The following MAGI1 variants were observed in gnomAD, a reference collection of about 807,000 sequenced individuals.
MAGI1 encodes membrane associated guanylate kinase, WW and PDZ domain containing 1, also known as membrane-associated guanylate kinase, WW and PDZ domain-containing protein 1.
In MAGI1, 58 loss-of-function variants were observed where a neutral mutation model predicts 139.9. That is an observed-to-expected ratio of 0.41 (90% confidence interval 0.34 to 0.52). The LOEUF (loss-of-function observed/expected upper bound fraction) is 0.52. Among genes scored for constraint, MAGI1 ranks in the 20% least tolerant of loss-of-function variants. The pLI is 0.12. For synonymous variants in MAGI1, 812 were observed against 737.9 expected (o/e 1.10, Z -1.63); for missense variants, 1,874 against 1,901.6 (o/e 0.99, Z 0.27).
intron 2 of MAGI1, among the ~76,000 whole-genome samples, chr3:65,576,624 G>T (rs1381637221): frequency 2.0e-5 from 3 of 152,132 alleles, no homozygotes; most frequent in Non-Finnish European, 4.4e-5. Context: ...AATGGGCGTT[G>T]TACTGCTATC....
chr3:65,737,284 C>T (rs550872441), intron 1 of MAGI1, among the ~76,000 whole-genome samples: 13 of 152,234 alleles, frequency 8.5e-5, no homozygotes, highest in African/African-American at 2.4e-4. Context: ...GGATTACAGG[C>T]GTAAGCCACT....
intron 1 of MAGI1, among the ~76,000 whole-genome samples, chr3:65,810,364 G>A (rs2041148633): frequency 6.6e-6 from 1 of 152,244 alleles, no homozygotes; most frequent in South Asian, 2.1e-4. Flanking sequence ...GCTCATGAAT[G>A]TGGCAGTAAT....
At chr3:65,826,765 T>C (rs936281510) in intron 1 of MAGI1, among the ~76,000 whole-genome samples, 11 of 144,614 alleles carry the variant, frequency 7.6e-5, no homozygotes, top group Non-Finnish European at 1.2e-4. Flanking sequence ...CCATAAACCC[T>C]TTGTAGTGGG....
chr3:65,865,414 G>C (rs1233588230), intron 1 of MAGI1, among the ~76,000 whole-genome samples: 1 of 152,028 alleles, frequency 6.6e-6, no homozygotes, highest in African/African-American at 2.4e-5. Flanking sequence ...TAGGCAACAT[G>C]GTGAGACATC....
intron 5 of MAGI1, among the ~76,000 whole-genome samples, chr3:65,454,397 GA>G (rs201773976): frequency 6.8e-6 from 1 of 147,780 alleles, no homozygotes; most frequent in African/African-American, 2.5e-5. Context: ...TGGGGGAGGG[GA>G]GAGGGATAGC....
intron 1 of MAGI1, among the ~76,000 whole-genome samples, chr3:65,646,682 C>A (rs571844460): frequency 1.3e-5 from 2 of 151,452 alleles, no homozygotes; most frequent in African/African-American, 2.4e-5. Context: ...TGTTAAGCGT[C>A]GAAAGTATAC....
At chr3:65,496,306 T>C (rs1425946088) in intron 2 of MAGI1, among the ~76,000 whole-genome samples, 1 of 151,958 alleles carries the variant, frequency 6.6e-6, no homozygotes, top group Admixed American at 6.6e-5. Context: ...GCCTCCAAAT[T>C]ACTTGGATTA....
intron 1 of MAGI1, among the ~76,000 whole-genome samples, chr3:65,700,656 G>GT (rs1559800339): frequency 1.3e-5 from 2 of 152,016 alleles, no homozygotes; most frequent in African/African-American, 4.8e-5. Context: ...TCCTAATGTT[G>GT]TGATTTTTTT....
chr3:65,528,011 C>T (rs2078469936), intron 2 of MAGI1, among the ~76,000 whole-genome samples: 1 of 151,786 alleles, frequency 6.6e-6, no homozygotes, highest in Non-Finnish European at 1.5e-5. Flanking sequence ...TCACATAAAA[C>T]AAAGGCATTT....
intron 2 of MAGI1, among the ~76,000 whole-genome samples, chr3:65,538,010 C>T (rs1430336414): frequency 1.3e-5 from 2 of 152,058 alleles, no homozygotes; most frequent in Non-Finnish European, 2.9e-5. Context: ...TGGTGGGTGC[C>T]TGTAATCCCA....
intron 1 of MAGI1, among the ~76,000 whole-genome samples, chr3:65,922,194 C>G (rs1379574630): frequency 1.3e-5 from 2 of 152,094 alleles, no homozygotes; most frequent in Non-Finnish European, 2.9e-5. Context: ...CACAAAAATA[C>G]AGCAGAGACT....
At chr3:65,602,615 G>T (rs1326772822) in intron 2 of MAGI1, among the ~76,000 whole-genome samples, 1 of 152,066 alleles carries the variant, frequency 6.6e-6, no homozygotes, top group Non-Finnish European at 1.5e-5. Flanking sequence ...CTATAATTTT[G>T]TGGTGACAGT....
intron 4 of MAGI1, among the ~76,000 whole-genome samples, chr3:65,474,508 AT>A (rs1345204058): frequency 5.3e-5 from 8 of 152,204 alleles, no homozygotes; most frequent in South Asian, 2.1e-4. Context: ...CTCTCTCAAG[AT>A]TTTCAGGAGG....
intron 1 of MAGI1, among the ~76,000 whole-genome samples, chr3:65,991,655 G>C (rs750739511): frequency 2.0e-5 from 3 of 152,190 alleles, no homozygotes; most frequent in Non-Finnish European, 4.4e-5. Context: ...GACCAAATAT[G>C]AGTTTTGATC....
chr3:65,955,543 GTCTA>G (rs113455167), intron 1 of MAGI1, among the ~76,000 whole-genome samples: 2,291 of 152,220 alleles, frequency 0.015, 58 homozygotes, highest in African/African-American at 0.051. Flanking sequence ...TCTTTGAAGA[GTCTA>G]TCTATTCTAA....
intron 1 of MAGI1, among the ~76,000 whole-genome samples, chr3:65,737,003 CT>C (rs67969383): frequency 0.073 from 10,604 of 145,308 alleles, 1,027 homozygotes; most frequent in African/African-American, 0.23. Context: ...TGCATCAAGA[CT>C]TTTTTTTTTT....
chr3:65,805,282 A>G (rs1033797915), intron 1 of MAGI1, among the ~76,000 whole-genome samples: 1 of 152,158 alleles, frequency 6.6e-6, no homozygotes, highest in Non-Finnish European at 1.5e-5. Context: ...GCAAAAGACA[A>G]GAACAGACAC....
At chr3:65,622,509 G>T (rs926111348) in intron 1 of MAGI1, among the ~76,000 whole-genome samples, 2 of 152,070 alleles carry the variant, frequency 1.3e-5, no homozygotes, top group Non-Finnish European at 2.9e-5. Context: ...TTACTCTACA[G>T]GTATACTTGT....
At chr3:65,513,364 A>C (rs2077699405) in intron 2 of MAGI1, among the ~76,000 whole-genome samples, 1 of 59,052 alleles carries the variant, frequency 1.7e-5, no homozygotes, top group Non-Finnish European at 3.2e-5. Flanking sequence ...AGGAAGTCAA[A>C]TTGTCCCTGT....
Sources: allele counts gnomAD v4.1 joint callset (sites outside exome capture counted in the v4.1 genomes callset), GRCh38; gene constraint gnomAD v4.1.1; transcripts MANE v1.5; gene names NCBI Gene and HGNC (gene_info 2026-07-23, HGNC 2026-07-21).